The following EXOC2 variants were observed in gnomAD, a reference collection of about 807,000 sequenced individuals.
The protein encoded by EXOC2 is SEC5-like 1.
A neutral mutation model predicts 131.8 loss-of-function variants in EXOC2; 70 were observed. That is an observed-to-expected ratio of 0.53 (90% CI 0.44 to 0.65). The LOEUF (loss-of-function observed/expected upper bound fraction) is 0.65, where lower values mean the gene tolerates loss of function less well. Ranked by LOEUF, EXOC2 falls within the 30% of genes least tolerant of loss-of-function variation. The probability of loss-of-function intolerance (pLI) is 0.00; values close to 1 mark genes in which losing one functional copy is unlikely to be tolerated. For missense variants in EXOC2, 923 were observed against 1,108.6 expected, an observed-to-expected ratio of 0.83 and a Z score of 2.38; for synonymous variants, 411 against 398.4, an observed-to-expected ratio of 1.03 and a Z score of -0.38.
rs776469555 is a variant in EXOC2, at chr6:600,170, TA to T, written c.743-946del. Among the ~76,000 whole-genome samples, 11 of 152,362 alleles carry T rather than the reference TA, an allele frequency of 7.2e-5. No individual in the cohort carries two copies. The South Asian group carries it at 1.2e-3, about 17-fold the overall frequency. ...CACACTGTGGGTGGCCTGATCCTGTTAAAAGTCATCTTTGTAACATGATTGT... is the reference window on the plus strand; with the variant it reads ...CACACTGTGGGTGGCCTGATCCTGTTAAAGTCATCTTTGTAACATGATTGT... On this transcript the variant is annotated intron_variant, in intron 7 of 27. Coordinates refer to ENST00000230449, the MANE Select transcript of EXOC2 (RefSeq NM_018303.6).
At chr6:652,207 GAC>G (rs1192202323) in intron 1 of EXOC2, among the ~76,000 whole-genome samples, 2 of 152,064 alleles carry the variant, frequency 1.3e-5, no homozygotes, top group African/African-American at 2.4e-5. Context: ...AATTTTTAAA[GAC>G]TACTTCAGAA....
At chr6:686,865 G>A (rs1764679356) in intron 1 of EXOC2, among the ~76,000 whole-genome samples, 1 of 152,158 alleles carries the variant, frequency 6.6e-6, no homozygotes, top group South Asian at 2.1e-4. Flanking sequence ...CCAGGCCAGT[G>A]CAAATTCATC....
intron 7 of EXOC2, among the ~76,000 whole-genome samples, chr6:600,105 TCA>T (rs1405118756): frequency 6.6e-6 from 1 of 152,222 alleles, no homozygotes; most frequent in East Asian, 1.9e-4. Flanking sequence ...AAAAATTGCC[TCA>T]GTCTCACTGG....
intron 1 of EXOC2, among the ~76,000 whole-genome samples, chr6:652,055 C>CAAAAAAAAAAAAAAAAAAAA (rs779403495): frequency 3.8e-5 from 3 of 77,994 alleles, no homozygotes; most frequent in African/African-American, 1.4e-4. Context: ...GATTCCATCT[C>CAAAAAAAAAAAAAAAAAAAA]AAAAAAAAAA....
At chr6:500,015 A>G (rs190023724) in intron 23 of EXOC2, among the ~76,000 whole-genome samples, 2 of 152,304 alleles carry the variant, frequency 1.3e-5, no homozygotes, top group Admixed American at 1.3e-4. Context: ...ACACACACAC[A>G]GAGAATATAT....
chr6:578,950 C>A (rs1758738306), intron 11 of EXOC2, among the ~76,000 whole-genome samples: 1 of 151,952 alleles, frequency 6.6e-6, no homozygotes, highest in African/African-American at 2.4e-5. Context: ...AATTTTCTAA[C>A]ATACTTTAAA....
At chr6:524,722 G>A (rs758535656) in intron 23 of EXOC2, among the ~76,000 whole-genome samples, 13 of 152,048 alleles carry the variant, frequency 8.5e-5, no homozygotes, top group Admixed American at 4.6e-4. Flanking sequence ...CACAAAGAAA[G>A]GTCTTTGATT....
chr6:544,403 T>C (rs1435208238), intron 22 of EXOC2, among the ~76,000 whole-genome samples: 5 of 152,160 alleles, frequency 3.3e-5, no homozygotes, highest in African/African-American at 1.2e-4. Flanking sequence ...GGCAGCCAAA[T>C]AGGGTCAAAA....
chr6:670,501 A>G (rs1428829536), intron 1 of EXOC2, among the ~76,000 whole-genome samples: 1 of 152,170 alleles, frequency 6.6e-6, no homozygotes, highest in East Asian at 1.9e-4. Context: ...TTAAAAAAAA[A>G]AAAGGGAAGG....
At chr6:524,169 T>G (rs1328290814) in intron 23 of EXOC2, 1 of 152,278 alleles carries the variant, frequency 6.6e-6, no homozygotes, top group Middle Eastern at 3.4e-3. Flanking sequence ...CGGTCATTCA[T>G]TAGGACATTT....
chr6:564,604 G>C lies in EXOC2; in HGVS notation c.1608C>G (p.Gly536=). The change falls in exon 15 of 28, where the codon GGC becomes GGG. Residue 536 remains glycine, a synonymous_variant. Transcript: ENST00000230449. ...IRDGEAKQYG[G]WEVKCELSGQ... Reference sequence around the variant, plus strand: ...CGGAGAGCTCGCACTTCACCTCCCAGCCTCCGTACTGCTTGGCTTCCCCAT... The same window carrying C: ...CGGAGAGCTCGCACTTCACCTCCCACCCTCCGTACTGCTTGGCTTCCCCAT... 1 of 1,614,074 alleles carries C rather than the reference G, an allele frequency of 6.2e-7. No homozygotes were observed. The highest frequency in any genetic ancestry group is 1.1e-5 in the South Asian group (1 of 91,062).
At chr6:679,619 T>C (rs1210446539) in intron 1 of EXOC2, 1 of 152,090 alleles carries the variant, frequency 6.6e-6, no homozygotes, top group Non-Finnish European at 1.5e-5. Flanking sequence ...ATTCAAACCA[T>C]GGGGATTGCT....
rs148011304 is a variant in EXOC2, at chr6:671,706, G to A, written c.-44+21313C>T. ...TTCACGTTTGAAGGATAATTTCACT[G>A]GATACGGAATTCTATGTAGGTGGGT... On this transcript the variant is annotated intron_variant, in intron 1 of 27. Coordinates refer to ENST00000230449, the MANE Select transcript of EXOC2 (RefSeq NM_018303.6). Among the ~76,000 whole-genome samples, 816 of 152,178 alleles carry A rather than the reference G, an allele frequency of 5.4e-3. 7 individuals carry two copies. Among genetic ancestry groups the A allele is most frequent in the African/African-American group, 0.018 (764 of 41,528 alleles).
chr6:521,882 A>G (rs1408971776), intron 23 of EXOC2, among the ~76,000 whole-genome samples: 1 of 152,210 alleles, frequency 6.6e-6, no homozygotes, highest in African/African-American at 2.4e-5. Context: ...TATCCTAATT[A>G]ATAAACCAAA....
At chr6:553,646 G>A (rs1757266895) in intron 21 of EXOC2, among the ~76,000 whole-genome samples, 2 of 152,126 alleles carry the variant, frequency 1.3e-5, no homozygotes, top group Admixed American at 1.3e-4. Flanking sequence ...TGGAATGACT[G>A]ACACTGCAAC....
At chr6:549,067 C>T (rs1050607909) in intron 22 of EXOC2, 108 bp downstream of exon 22, 12 of 822,940 alleles carry the variant, frequency 1.5e-5, no homozygotes, top group South Asian at 9.3e-5. Flanking sequence ...GCTGTGGGGG[C>T]GGCACGCAGA....
Position 587,071 on chromosome 6 carries a change from C to A in EXOC2, c.1192+5398G>T, listed in dbSNP as rs552557893. ...ACATTTATATTATATATAATTAGGA[C>A]AATAATAAAACATCCACCAAGGGTC... On this transcript the variant is annotated intron_variant, in intron 11 of 27. Transcript: ENST00000230449. 2.6e-5 allele frequency among the ~76,000 whole-genome samples: 4 copies of A among 152,018 alleles called. No individual in the cohort carries two copies. The South Asian group carries it at 6.2e-4, about 24-fold the overall frequency.
chr6:596,279 C>T (rs1343340669), intron 10 of EXOC2, among the ~76,000 whole-genome samples: 1 of 151,824 alleles, frequency 6.6e-6, no homozygotes, highest in East Asian at 1.9e-4. Flanking sequence ...CCGCCGTACG[C>T]CTCATCACTA....
At chr6:683,318 G>A (rs1296277731) in intron 1 of EXOC2, among the ~76,000 whole-genome samples, 1 of 152,158 alleles carries the variant, frequency 6.6e-6, no homozygotes, top group Non-Finnish European at 1.5e-5. Context: ...CAAAATACTT[G>A]ACCATCTCAA....
Sources: allele counts gnomAD v4.1 joint callset (sites outside exome capture counted in the v4.1 genomes callset), GRCh38; gene constraint gnomAD v4.1.1; transcripts MANE v1.5; gene names NCBI Gene and HGNC (gene_info 2026-07-23, HGNC 2026-07-21).